Variants in CISD3 observed in about 807,000 individuals in gnomAD.
CISD3 encodes the protein CDGSH iron sulfur domain 3.
Under a neutral mutation model 14.1 loss-of-function variants are expected in CISD3, and 11 were observed. The ratio of observed to expected loss-of-function variants is 0.78; its 90% CI spans 0.49 to 1.29. The LOEUF (loss-of-function observed/expected upper bound fraction) is 1.29. CISD3 is among the 50% of genes most tolerant of loss of function. The pLI, the probability that CISD3 is intolerant of heterozygous loss-of-function variation, is 0.00. For missense variants in CISD3, 156 were observed against 171.6 expected, an observed-to-expected ratio of 0.91 and a Z score of 0.51; for synonymous variants, 53 against 69.2, an observed-to-expected ratio of 0.77 and a Z score of 1.16.
intron 3 of CISD3, 105 bp downstream of exon 3, chr17:38,731,544 G>T: frequency 6.9e-7 from 1 of 1,447,396 alleles, no homozygotes. Flanking sequence ...ACACATACCT[G>T]AGGGACACCA....
In CISD3 at chr17:38,734,223, G is replaced by A. The variant is rs893897546; in HGVS notation, c.*768G>A. 2.0e-5 allele frequency: 3 copies of A among 152,696 alleles called. No individual in the cohort carries two copies. The highest frequency in any genetic ancestry group is 7.2e-5 in the African/African-American group (3 of 41,414). The allele number at this position is 152,696 out of a possible 1,614,324, so 9.5% of individuals were successfully genotyped here. On this transcript the variant is annotated 3_prime_UTR_variant, in exon 4 of 4. Transcript: ENST00000613478. ...TCTTCTTGTGCTTTTAGATGCAGTTGCTCTGTCCTGACCAGGTGACCGGGC... is the reference window on the plus strand; with the variant it reads ...TCTTCTTGTGCTTTTAGATGCAGTTACTCTGTCCTGACCAGGTGACCGGGC...
Position 38,733,272 on chromosome 17 carries a change from C to T in CISD3, c.205-4C>T, listed in dbSNP as rs113623353. 16 of 1,551,610 alleles carry T rather than the reference C, an allele frequency of 1.0e-5. No individual in the cohort carries two copies. The highest frequency in any genetic ancestry group is 1.4e-5 in the Non-Finnish European group (16 of 1,146,976). ...GTCTTTGACTCCTGTCTTTCCCCCACCAGCCCTTCTGTGACGGCTCCCACT... is the reference window on the plus strand; with the variant it reads ...GTCTTTGACTCCTGTCTTTCCCCCATCAGCCCTTCTGTGACGGCTCCCACT... On this transcript the variant is annotated splice_polypyrimidine_tract_variant and splice_region_variant and intron_variant, in intron 3 of 3. Coordinates refer to ENST00000613478, the MANE Select transcript of CISD3 (RefSeq NM_001136498.2).
Position 38,733,213 on chromosome 17 carries a change from G to GCCTGCCCTGC in CISD3, c.205-55_205-46dup, listed in dbSNP as rs3066485. On this transcript the variant is annotated intron_variant, in intron 3 of 3. Transcript: ENST00000613478. Reference sequence around the variant, plus strand: ...GCTCCACTCCCCCTGAGCTCCTGCAGCCTGCCCTGCCCTGCCCCAGCAGGT... The same window carrying GCCTGCCCTGC: ...GCTCCACTCCCCCTGAGCTCCTGCAGCCTGCCCTGCCCTGCCCTGCCCTGCCCCAGCAGGT... 3.1e-5 allele frequency: 45 copies of GCCTGCCCTGC among 1,456,616 alleles called. No individual in the cohort carries two copies. The East Asian group carries it at 8.4e-4, about 27-fold the overall frequency. 90.2% of individuals were successfully genotyped at this position (1,456,616 alleles called of 1,614,324 possible). A position where few individuals can be genotyped will look rare whatever the true frequency, so the allele number is the denominator to read the frequency against.
Position 38,731,444 on chromosome 17 carries a change from G to A in CISD3, c.204+5G>A. ...TGTGGCCGCAGCAAGAAGCAGGTGA[G>A]ACCCCTGTCTGCCTTCCTACTGATA... On this transcript the variant is annotated splice_donor_5th_base_variant and intron_variant, in intron 3 of 3. Transcript: ENST00000613478. 1 of 1,551,542 alleles carries A rather than the reference G, an allele frequency of 6.4e-7. No homozygotes were observed. The highest frequency in any genetic ancestry group is 8.7e-7 in the Non-Finnish European group (1 of 1,146,924).
Position 38,733,602 on chromosome 17 carries a change from T to A in CISD3, c.*147T>A. On this transcript the variant is annotated 3_prime_UTR_variant, in exon 4 of 4. Coordinates refer to ENST00000613478, the MANE Select transcript of CISD3 (RefSeq NM_001136498.2). ...GAAGGAAGAATTATTCCTTATAACCTAAAAGTCTCCAGTCTGGGGCAGGCG... is the reference window on the plus strand; with the variant it reads ...GAAGGAAGAATTATTCCTTATAACCAAAAAGTCTCCAGTCTGGGGCAGGCG... The A allele has an allele frequency of 1.2e-6, 1 of 862,878 alleles. No individual in the cohort carries two copies. The highest frequency in any genetic ancestry group is 1.7e-6 in the Non-Finnish European group (1 of 592,976). 53.5% of individuals were successfully genotyped at this position (862,878 alleles called of 1,614,324 possible).
chr17:38,731,192 C>G (rs1598008361), intron 2 of CISD3, 128 bp from the exon 3 acceptor site: 1 of 1,290,046 alleles, frequency 7.8e-7, no homozygotes, highest in African/African-American at 1.5e-5. Context: ...TGGGTGGCAT[C>G]AGATCAGCCT....
At chr17:38,733,193 A>T in intron 3 of CISD3, 83 bp from the exon 4 acceptor site, 2 of 1,347,086 alleles carry the variant, frequency 1.5e-6, no homozygotes, top group Non-Finnish European at 2.0e-6. Context: ...ACTGTGCTCC[A>T]CTCCCCCTGA....
At chr17:38,732,305 A>G (rs905618619) in intron 3 of CISD3, among the ~76,000 whole-genome samples, 1 of 152,118 alleles carries the variant, frequency 6.6e-6, no homozygotes, top group Non-Finnish European at 1.5e-5. Flanking sequence ...CGCTTCTCTC[A>G]TCTCCTTTCC....
chr17:38,730,905 G>A, intron 2 of CISD3, 110 bp downstream of exon 2: 1 of 1,204,834 alleles, frequency 8.3e-7, no homozygotes, highest in Non-Finnish European at 1.2e-6. Context: ...ATTCCCTGGA[G>A]TTAGCCCGTG....
chr17:38,733,514 C>G lies in CISD3; in HGVS notation c.*59C>G. 1 of 1,440,546 alleles carries G rather than the reference C, an allele frequency of 6.9e-7. No homozygotes were observed. The highest frequency in any genetic ancestry group is 9.2e-7 in the Non-Finnish European group (1 of 1,088,922). The allele number at this position is 1,440,546 out of a possible 1,614,324, so 89.2% of individuals were successfully genotyped here. A position where few individuals can be genotyped will look rare whatever the true frequency, so the allele number is the denominator to read the frequency against. On this transcript the variant is annotated 3_prime_UTR_variant, in exon 4 of 4. Coordinates refer to ENST00000613478, the MANE Select transcript of CISD3 (RefSeq NM_001136498.2). ...GGCTCCAGGCCTCTGACAGGCACCCCCTTCTGTGGGAAAGGAAACAGGTGC... is the reference window on the plus strand; with the variant it reads ...GGCTCCAGGCCTCTGACAGGCACCCGCTTCTGTGGGAAAGGAAACAGGTGC...
intron 3 of CISD3, among the ~76,000 whole-genome samples, chr17:38,732,406 G>A (rs8068339): frequency 0.013 from 2,036 of 152,302 alleles, 45 homozygotes; most frequent in African/African-American, 0.046. Context: ...GCCAAGGCAG[G>A]AGGCTCTTTT....
chr17:38,730,863 A>G, intron 2 of CISD3, 68 bp downstream of exon 2: 1 of 1,465,858 alleles, frequency 6.8e-7, no homozygotes, highest in East Asian at 2.5e-5. Flanking sequence ...AAAGGCAGAA[A>G]CAGGAAATGG....
rs748390616 is a variant in CISD3, at chr17:38,735,533, G to A, written c.*2078G>A. 1 of 1,589,444 alleles carries A rather than the reference G, an allele frequency of 6.3e-7. No homozygotes were observed. Among genetic ancestry groups the A allele is most frequent in the South Asian group, 1.1e-5 (1 of 87,394 alleles). ...GGTGTTGGTGCCCTCGGAGGGGGTG[G>A]GCACCGTGGCTAGGGTGAGCCGCTT... On this transcript the variant is annotated 3_prime_UTR_variant, in exon 4 of 4. Transcript: ENST00000613478.
At position 38,731,375 on chromosome 17, in the gene CISD3, T is replaced by C; in HGVS notation, c.140T>C (p.Ile47Thr). Residue 47 changes from isoleucine to threonine, a missense_variant, in exon 3 of 4, where the codon ATC (isoleucine) becomes ACC (threonine). Physicochemically the swap from Ile to Thr is moderately conservative, Grantham distance 89. Coordinates refer to ENST00000613478, the MANE Select transcript of CISD3 (RefSeq NM_001136498.2). ...TCCGTGGTGGCCCTGAAGACCCCCA[T>C]CAAGGTGGAGCTGGTGGCAGGGAAA... ...ARSVVALKTP[I>T]KVELVAGKTY... The C allele has an allele frequency of 6.4e-7, 1 of 1,551,548 alleles. No individual in the cohort carries two copies. The highest frequency in any genetic ancestry group is 1.2e-5 in the South Asian group (1 of 84,046).
chr17:38,730,694 C>T (rs1254968308), intron 1 of CISD3, 66 bp from the exon 2 acceptor site: 111 of 1,510,868 alleles, frequency 7.3e-5, no homozygotes, highest in Non-Finnish European at 9.6e-5. Context: ...TCCCTTTCCA[C>T]TGATTTTATT....
chr17:38,732,421 C>G (rs1398556600), intron 3 of CISD3, among the ~76,000 whole-genome samples: 2 of 152,148 alleles, frequency 1.3e-5, no homozygotes, highest in African/African-American at 4.8e-5. Flanking sequence ...TCTTTTGAGT[C>G]CAGGAGTTCA....
In CISD3 at chr17:38,730,418, C is replaced by G. The variant is rs778837150; in HGVS notation, c.48+12C>G. 7.9e-7 allele frequency: 1 copy of G among 1,259,646 alleles called. No individual in the cohort carries two copies. Among genetic ancestry groups the G allele is most frequent in the Admixed American group, 4.2e-5 (1 of 23,776 alleles). 78.0% of individuals were successfully genotyped at this position (1,259,646 alleles called of 1,614,324 possible). ...CGCGTGGTGCCCGGGTGAGCACCCC[C>G]GCCCTGCACCAGCCCCCGTCCCGAA... is the stretch of plus-strand genomic sequence containing the variant. On this transcript the variant is annotated intron_variant, in intron 1 of 3. Transcript: ENST00000613478.
chr17:38,731,997 T>C (rs896685275), intron 3 of CISD3: 1 of 153,172 alleles, frequency 6.5e-6, no homozygotes, highest in Non-Finnish European at 1.5e-5. Context: ...TCTCTACTCT[T>C]CTTCCAGAAA....
At chr17:38,732,302 C>G (rs571482139) in intron 3 of CISD3, among the ~76,000 whole-genome samples, 5 of 152,334 alleles carry the variant, frequency 3.3e-5, no homozygotes, top group African/African-American at 1.2e-4. Context: ...GCACGCTTCT[C>G]TCATCTCCTT....
Sources: allele counts gnomAD v4.1 joint callset (sites outside exome capture counted in the v4.1 genomes callset), GRCh38; gene constraint gnomAD v4.1.1; transcripts MANE v1.5; gene names NCBI Gene and HGNC (gene_info 2026-07-23, HGNC 2026-07-21).